The following GALNT18 variants were observed in gnomAD, a reference collection of about 807,000 sequenced individuals.
GALNT18 encodes polypeptide N-acetylgalactosaminyltransferase 18.
GALNT18 carries 44 observed loss-of-function variants against 69.5 expected under a neutral mutation model. The ratio of observed to expected loss-of-function variants is 0.63; its 90% CI spans 0.50 to 0.81. The LOEUF (loss-of-function observed/expected upper bound fraction) is 0.81. Ranked by LOEUF, GALNT18 falls within the 40% of genes least tolerant of loss-of-function variation. The probability of loss-of-function intolerance (pLI) is 0.00; values close to 1 mark genes in which losing one functional copy is unlikely to be tolerated. For missense variants in GALNT18, 715 were observed against 810.0 expected, an observed-to-expected ratio of 0.88 and a Z score of 1.42; for synonymous variants, 364 against 318.2, an observed-to-expected ratio of 1.14 and a Z score of -1.53.
chr11:11,461,879 G>A lies in GALNT18; in HGVS notation c.236-12943C>T, dbSNP rs1254876939. Among the ~76,000 whole-genome samples, 1 of 152,230 alleles carries A rather than the reference G, an allele frequency of 6.6e-6. No individual in the cohort carries two copies. Among genetic ancestry groups the A allele is most frequent in the Non-Finnish European group, 1.5e-5 (1 of 68,046 alleles). On this transcript the variant is annotated intron_variant, in intron 1 of 10. Transcript: ENST00000227756. This position sits in a 1 kb window ranked among gnomAD's most constrained non-coding sequence, Gnocchi z 4.1. ...CAAGAGTCCTTGCTTTGGGAAACCT[G>A]CAGCCTGAATGAAGCTGCAAAAATC...
intron 1 of GALNT18, among the ~76,000 whole-genome samples, chr11:11,588,576 T>A (rs1859279485): frequency 6.6e-6 from 1 of 152,134 alleles, no homozygotes; most frequent in Admixed American, 6.5e-5. Flanking sequence ...CTAACCAACC[T>A]CATCCTCTTC....
Position 11,322,098 on chromosome 11 carries a change from C to T in GALNT18, c.1512+4988G>A, listed in dbSNP as rs1269777323. ...ATAGATAACATTTATTGAGGACTTA[C>T]TACATACCAGGTATGGTTTTAAATA... On this transcript the variant is annotated intron_variant, in intron 9 of 10. Transcript: ENST00000227756. Among the ~76,000 whole-genome samples, 8 of 152,332 alleles carry T rather than the reference C, an allele frequency of 5.3e-5. No homozygotes were observed. In the South Asian group the frequency reaches 1.2e-3, roughly 24 times the overall value.
intron 6 of GALNT18, chr11:11,352,461 C>T (rs1850431676): frequency 6.2e-7 from 1 of 1,614,184 alleles, no homozygotes; most frequent in East Asian, 2.2e-5. Context: ...TGCCAGCATA[C>T]AACCCAATCT....
intron 10 of GALNT18, among the ~76,000 whole-genome samples, chr11:11,289,560 T>C (rs573359378): frequency 8.1e-4 from 123 of 152,330 alleles, no homozygotes; most frequent in African/African-American, 2.6e-3. Context: ...GCCTCAAGGA[T>C]GCCCATTTTA....
At chr11:11,533,531 A>G (rs1341827318) in intron 1 of GALNT18, among the ~76,000 whole-genome samples, 5 of 152,222 alleles carry the variant, frequency 3.3e-5, no homozygotes, top group East Asian at 1.9e-4. Flanking sequence ...CACATGTACC[A>G]TCTCCAGATC....
Position 11,454,108 on chromosome 11 carries a change from A to T in GALNT18, c.236-5172T>A, listed in dbSNP as rs1490719301. Among the ~76,000 whole-genome samples the T allele has an allele frequency of 6.6e-6, 1 of 152,168 alleles. No individual in the cohort carries two copies. The highest frequency in any genetic ancestry group is 1.5e-5 in the Non-Finnish European group (1 of 68,026). ...GAGGTCAGAAAACTCCCTGCCTACT[A>T]GAGATTCCCCAAATCTTTCAGAGGG... On this transcript the variant is annotated intron_variant, in intron 1 of 10. Transcript: ENST00000227756. This position sits in a 1 kb window ranked among gnomAD's most constrained non-coding sequence, Gnocchi z 4.2.
intron 3 of GALNT18, among the ~76,000 whole-genome samples, chr11:11,400,732 C>A (rs1373115840): frequency 1.3e-5 from 2 of 152,214 alleles, no homozygotes; most frequent in Non-Finnish European, 2.9e-5. Flanking sequence ...CTTAAATATG[C>A]TTCTCACTCC....
chr11:11,315,046 G>GTA lies in GALNT18; in HGVS notation c.1512+12039_1512+12040insTA. Among the ~76,000 whole-genome samples, 1 of 151,692 alleles carries GTA rather than the reference G, an allele frequency of 6.6e-6. No homozygotes were observed. Among genetic ancestry groups the GTA allele is most frequent in the East Asian group, 1.9e-4 (1 of 5,176 alleles). On this transcript the variant is annotated intron_variant, in intron 9 of 10. Transcript: ENST00000227756. The surrounding 1 kb of genome is among the most constrained non-coding windows in gnomAD (Gnocchi z 5.6). Reference sequence around the variant, plus strand: ...GGACACATACTAATTATATGTGTGTGTGTGTGTGTGTGTGTGTATGTGTGT... The same window carrying GTA: ...GGACACATACTAATTATATGTGTGTGTATGTGTGTGTGTGTGTGTATGTGTGT...
chr11:11,422,393 T>G (rs547038851), intron 3 of GALNT18, among the ~76,000 whole-genome samples: 1 of 152,308 alleles, frequency 6.6e-6, no homozygotes, highest in South Asian at 2.1e-4. Context: ...GCCAGGTATT[T>G]GCTGCCAGTC....
rs1860144248 is a variant in GALNT18 at position 11,619,881 on chromosome 11, T to C, written c.235+1478A>G. On this transcript the variant is annotated intron_variant, in intron 1 of 10. Transcript: ENST00000227756. The surrounding 1 kb of genome is among the most constrained non-coding windows in gnomAD (Gnocchi z 4.9). The stretch of plus-strand genomic sequence containing the variant: ...AGGTCTGAAGAAGAAGCTGTCAATG[T>C]CCCTCTTTTCTGGGAAGGTGCCGAA... 6.6e-6 allele frequency among the ~76,000 whole-genome samples: 1 copy of C among 152,156 alleles called. No homozygotes were observed.
intron 6 of GALNT18, among the ~76,000 whole-genome samples, chr11:11,358,029 T>G (rs551984453): frequency 5.7e-4 from 86 of 152,206 alleles, no homozygotes; most frequent in Non-Finnish European, 1.0e-3. Context: ...CTCCTATCTT[T>G]CTGGCTGATT....
At chr11:11,426,577 A>G (rs960601666) in intron 3 of GALNT18, among the ~76,000 whole-genome samples, 1 of 152,236 alleles carries the variant, frequency 6.6e-6, no homozygotes, top group Non-Finnish European at 1.5e-5. Context: ...TCACGTGGCA[A>G]AATAAATGCC....
intron 1 of GALNT18, chr11:11,475,578 T>G (rs1856374210): frequency 6.6e-6 from 1 of 152,206 alleles, no homozygotes; most frequent in Non-Finnish European, 1.5e-5. Context: ...TCTTCAAAAC[T>G]TGGCCAGAGG....
intron 9 of GALNT18, among the ~76,000 whole-genome samples, chr11:11,310,376 T>C (rs1240488396): frequency 6.6e-6 from 1 of 152,226 alleles, no homozygotes; most frequent in Non-Finnish European, 1.5e-5. Context: ...CAACATGTAT[T>C]TGTTAAACAC....
intron 10 of GALNT18, among the ~76,000 whole-genome samples, chr11:11,289,099 A>G (rs1452033151): frequency 6.6e-6 from 1 of 152,166 alleles, no homozygotes; most frequent in East Asian, 1.9e-4. Flanking sequence ...AAATTAGCCC[A>G]AGCACAAGAC....
rs190809957 is a variant in GALNT18 at position 11,521,486 on chromosome 11, C to T, written c.236-72550G>A. On this transcript the variant is annotated intron_variant, in intron 1 of 10. Transcript: ENST00000227756. The stretch of plus-strand genomic sequence containing the variant: ...GTGACTTGCTCTCCAGTTCTCGGGA[C>T]GCTGCAGGCCTTGTGAAGAGCCAAA... Among the ~76,000 whole-genome samples the T allele has an allele frequency of 3.7e-3, 565 of 152,080 alleles. 7 individuals carry two copies. Among genetic ancestry groups the T allele is most frequent in the Non-Finnish European group, 3.6e-3 (242 of 67,998 alleles).
Position 11,614,146 on chromosome 11 carries a change from C to T in GALNT18, c.235+7213G>A, listed in dbSNP as rs1177975083. Reference sequence around the variant, plus strand: ...CTTTGTATTAGTCCATTTTGCATTGCTATAAAGGAGTACCTGAGGCTTGGT... The same window carrying T: ...CTTTGTATTAGTCCATTTTGCATTGTTATAAAGGAGTACCTGAGGCTTGGT... On this transcript the variant is annotated intron_variant, in intron 1 of 10. Coordinates refer to ENST00000227756, the MANE Select transcript of GALNT18 (RefSeq NM_198516.3). The surrounding 1 kb of genome is among the most constrained non-coding windows in gnomAD (Gnocchi z 5.6). 6.6e-6 allele frequency among the ~76,000 whole-genome samples: 1 copy of T among 152,070 alleles called. No homozygotes were observed. Among genetic ancestry groups the T allele is most frequent in the African/African-American group, 2.4e-5 (1 of 41,402 alleles).
intron 3 of GALNT18, 90 bp from the exon 4 acceptor site, chr11:11,379,354 C>A: frequency 7.7e-7 from 1 of 1,304,268 alleles, no homozygotes; most frequent in African/African-American, 1.5e-5. Flanking sequence ...GTGATGACCC[C>A]CAGAGAAAGG....
chr11:11,569,114 C>T (rs1858722456), intron 1 of GALNT18, among the ~76,000 whole-genome samples: 2 of 152,092 alleles, frequency 1.3e-5, no homozygotes, highest in Admixed American at 1.3e-4. Context: ...TACTAACACC[C>T]AGAGGGCACC....
Sources: allele counts gnomAD v4.1 joint callset (sites outside exome capture counted in the v4.1 genomes callset), GRCh38; gene constraint gnomAD v4.1.1; non-coding constraint Gnocchi (gnomAD v3.1); transcripts MANE v1.5; gene names NCBI Gene and HGNC (gene_info 2026-07-23, HGNC 2026-07-21).